The following SCAMP1 variants were observed in gnomAD, a reference collection of about 807,000 sequenced individuals.
SCAMP1 encodes the protein secretory carrier-associated membrane protein 1.
Under a neutral mutation model 41.8 loss-of-function variants are expected in SCAMP1, and 15 were observed. The observed-to-expected ratio is 0.36, with a 90% CI of 0.24 to 0.55. The LOEUF is 0.55. Ranked by LOEUF, SCAMP1 falls within the 20% of genes least tolerant of loss-of-function variation. The pLI is 0.86. For missense variants in SCAMP1, 341 were observed against 412.6 expected (o/e 0.83, Z 1.50); for synonymous variants, 135 against 136.8 (o/e 0.99, Z 0.09).
At chr5:78,391,996 G>A (rs1195711655) in intron 2 of SCAMP1, among the ~76,000 whole-genome samples, 2 of 148,286 alleles carry the variant, frequency 1.3e-5, no homozygotes, top group East Asian at 3.9e-4. Context: ...GGGAGACCGT[G>A]GAAAGAGAGG....
At chr5:78,437,304 A>G (rs1343535575) in intron 6 of SCAMP1, among the ~76,000 whole-genome samples, 1 of 152,188 alleles carries the variant, frequency 6.6e-6, no homozygotes, top group Non-Finnish European at 1.5e-5. Context: ...TTTCAAAGGG[A>G]ATGCTTCCAG....
At chr5:78,465,171 G>T (rs1267814605) in intron 8 of SCAMP1, among the ~76,000 whole-genome samples, 1 of 152,096 alleles carries the variant, frequency 6.6e-6, no homozygotes, top group Non-Finnish European at 1.5e-5. Flanking sequence ...ATTGCTTACT[G>T]TGGCACCTGG....
chr5:78,463,848 A>G (rs1488808467), intron 8 of SCAMP1, among the ~76,000 whole-genome samples: 2 of 142,086 alleles, frequency 1.4e-5, no homozygotes, highest in Admixed American at 7.1e-5. Flanking sequence ...TGCATAGTAT[A>G]CAGATTTTAT....
rs368055089 is a variant in SCAMP1 at position 78,448,080 on chromosome 5, TTCCC to T, written c.633-1852_633-1849del. Among the ~76,000 whole-genome samples the T allele has an allele frequency of 2.4e-4, 3 of 12,356 alleles. 1 individual carries two copies. The highest frequency in any genetic ancestry group is 4.7e-4 in the Non-Finnish European group (3 of 6,376). The allele number at this position is 12,356 out of a possible 152,430, so 8.1% of individuals were successfully genotyped here. Reference sequence around the variant, plus strand: ...TCTCCCCCTCCCCCTCCCTCCTCCTTTCCCCCTCCCCCTTCCCCCTACTCCACTA... The same window carrying T: ...TCTCCCCCTCCCCCTCCCTCCTCCTTCCTCCCCCTTCCCCCTACTCCACTA... On this transcript the variant is annotated intron_variant, in intron 6 of 8. Coordinates refer to ENST00000621999, the MANE Select transcript of SCAMP1 (RefSeq NM_004866.6).
At chr5:78,396,860 T>A (rs1332750844) in intron 2 of SCAMP1, among the ~76,000 whole-genome samples, 2 of 152,228 alleles carry the variant, frequency 1.3e-5, no homozygotes, top group Non-Finnish European at 2.9e-5. Flanking sequence ...ACAGAAAATT[T>A]ATCATTGAAT....
In SCAMP1 at chr5:78,415,623, G is replaced by A; in HGVS notation, c.234+5G>A. 6.5e-7 allele frequency: 1 copy of A among 1,530,064 alleles called. No homozygotes were observed. Among genetic ancestry groups the A allele is most frequent in the Non-Finnish European group, 9.0e-7 (1 of 1,115,218 alleles). The allele number at this position is 1,530,064 out of a possible 1,614,324, so 94.8% of individuals were successfully genotyped here. On this transcript the variant is annotated splice_donor_5th_base_variant and intron_variant, in intron 3 of 8. Coordinates refer to ENST00000621999, the MANE Select transcript of SCAMP1 (RefSeq NM_004866.6). ...GCTTATACACAGATTGCAAAGGTTAGTTCATGTTAGTTGTATAAATTCATA... is the reference window on the plus strand; with the variant it reads ...GCTTATACACAGATTGCAAAGGTTAATTCATGTTAGTTGTATAAATTCATA...
At chr5:78,426,834 G>A (rs1004177252) in intron 6 of SCAMP1, among the ~76,000 whole-genome samples, 1 of 152,088 alleles carries the variant, frequency 6.6e-6, no homozygotes, top group Non-Finnish European at 1.5e-5. Context: ...GTCTTTTGCT[G>A]TTTTCTTTTA....
At chr5:78,400,800 A>G (rs987490923) in intron 2 of SCAMP1, among the ~76,000 whole-genome samples, 30 of 152,180 alleles carry the variant, frequency 2.0e-4, no homozygotes, top group Admixed American at 1.8e-3. Context: ...GAACAAAGAC[A>G]GTCTTATTTG....
chr5:78,377,584 A>G (rs1751097666), intron 1 of SCAMP1, among the ~76,000 whole-genome samples: 1 of 152,212 alleles, frequency 6.6e-6, no homozygotes, highest in South Asian at 2.1e-4. Context: ...CGTGACACAA[A>G]GATTGGGCAA....
At chr5:78,403,068 A>G (rs2112113082) in intron 2 of SCAMP1, among the ~76,000 whole-genome samples, 1 of 152,084 alleles carries the variant, frequency 6.6e-6, no homozygotes, top group East Asian at 1.9e-4. Context: ...GCAGGGTTTC[A>G]CCATGTTGGC....
chr5:78,395,819 C>T (rs1213782939), intron 2 of SCAMP1, among the ~76,000 whole-genome samples: 1 of 152,206 alleles, frequency 6.6e-6, no homozygotes, highest in African/African-American at 2.4e-5. Flanking sequence ...TTACTCCAGT[C>T]TGCGAAGAGG....
intron 8 of SCAMP1, among the ~76,000 whole-genome samples, chr5:78,459,905 C>T (rs761400562): frequency 2.0e-5 from 3 of 151,892 alleles, no homozygotes; most frequent in Non-Finnish European, 4.4e-5. Context: ...TCAAGCTTTG[C>T]TCTTCTCCCT....
intron 6 of SCAMP1, among the ~76,000 whole-genome samples, chr5:78,442,655 A>G (rs368442464): frequency 6.6e-6 from 1 of 152,112 alleles, no homozygotes. Context: ...TTTTCCTTTT[A>G]TTTAATTTTT....
At chr5:78,416,388 T>G (rs1752208650) in intron 3 of SCAMP1, among the ~76,000 whole-genome samples, 153 bp from the exon 4 acceptor site, 1 of 152,228 alleles carries the variant, frequency 6.6e-6, no homozygotes, top group Non-Finnish European at 1.5e-5. Context: ...CTCATAATAT[T>G]TTCTGTAACT....
intron 1 of SCAMP1, among the ~76,000 whole-genome samples, chr5:78,365,611 C>T (rs1580637747): frequency 6.6e-6 from 1 of 151,164 alleles, no homozygotes; most frequent in African/African-American, 2.4e-5. Context: ...GTCAAGGAAT[C>T]AAAGCTAAAA....
chr5:78,470,271 T>C (rs1753855438), intron 8 of SCAMP1, among the ~76,000 whole-genome samples: 1 of 152,136 alleles, frequency 6.6e-6, no homozygotes, highest in African/African-American at 2.4e-5. Flanking sequence ...CCATTACTAA[T>C]GTCTATTTCC....
At chr5:78,386,310 C>G (rs965679651) in intron 1 of SCAMP1, among the ~76,000 whole-genome samples, 1 of 152,036 alleles carries the variant, frequency 6.6e-6, no homozygotes, top group African/African-American at 2.4e-5. Flanking sequence ...CATAGAATAT[C>G]TTTTTCTAGG....
chr5:78,465,435 T>C (rs373722386), intron 8 of SCAMP1, among the ~76,000 whole-genome samples: 1 of 152,334 alleles, frequency 6.6e-6, no homozygotes, highest in East Asian at 1.9e-4. Flanking sequence ...AGACCTGTTC[T>C]GTATGCTTTC....
intron 6 of SCAMP1, among the ~76,000 whole-genome samples, chr5:78,432,845 CT>C (rs1373782120): frequency 6.6e-6 from 1 of 152,030 alleles, no homozygotes; most frequent in Non-Finnish European, 1.5e-5. Flanking sequence ...TTTATCGTCG[CT>C]TTCTGTAATT....
Sources: allele counts gnomAD v4.1 joint callset (sites outside exome capture counted in the v4.1 genomes callset), GRCh38; gene constraint gnomAD v4.1.1; transcripts MANE v1.5; gene names NCBI Gene and HGNC (gene_info 2026-07-23, HGNC 2026-07-21).